Variants in TRMT9B observed in about 807,000 individuals in gnomAD.
TRMT9B encodes tRNA methyltransferase 9B (putative), also known as probable tRNA methyltransferase 9B.
Under a neutral mutation model 11.5 loss-of-function variants are expected in TRMT9B, and 16 were observed. That is an observed-to-expected ratio of 1.39 (90% CI 0.94 to 2.11). The LOEUF (loss-of-function observed/expected upper bound fraction) is 2.11. TRMT9B is among the 30% of genes most tolerant of loss of function. The pLI, the probability that TRMT9B is intolerant of heterozygous loss-of-function variation, is 0.00. For missense variants in TRMT9B, 941 were observed against 553.8 expected, an observed-to-expected ratio of 1.70 and a Z score of -7.02; for synonymous variants, 274 against 192.4, an observed-to-expected ratio of 1.42 and a Z score of -3.51.
intron 2 of TRMT9B, among the ~76,000 whole-genome samples, chr8:13,004,539 G>C (rs546252901): frequency 1.6e-4 from 24 of 152,138 alleles, no homozygotes; most frequent in Admixed American, 1.2e-3. Flanking sequence ...CTACCCCCCA[G>C]ATGATATTTC....
At position 13,021,953 on chromosome 8, in the gene TRMT9B, A is replaced by C. The variant is rs1259165189; in HGVS notation, c.1274A>C (p.Lys425Thr). Residue 425 changes from lysine (K) to threonine (T), a missense_variant, in exon 5 of 5, where the codon AAG (lysine) becomes ACG (threonine). Physicochemically the swap from Lys to Thr is moderately conservative, Grantham distance 78. Transcript: ENST00000524591. ...FREGELCSLL[K>T]ENVSELRILS... Reference sequence around the variant, plus strand: ...GAAGGGGAGCTCTGCAGTCTGCTCAAGGAGAATGTGTCAGAGCTCCGTATC... The same window carrying C: ...GAAGGGGAGCTCTGCAGTCTGCTCACGGAGAATGTGTCAGAGCTCCGTATC... 6.2e-7 allele frequency: 1 copy of C among 1,613,734 alleles called. No homozygotes were observed. The highest frequency in any genetic ancestry group is 8.5e-7 in the Non-Finnish European group (1 of 1,179,830).
At chr8:13,016,122 C>T (rs1390641294) in intron 4 of TRMT9B, among the ~76,000 whole-genome samples, 2 of 138,624 alleles carry the variant, frequency 1.4e-5, no homozygotes, top group East Asian at 2.0e-4. Context: ...TATATATATA[C>T]ATATAACATA....
intron 2 of TRMT9B, among the ~76,000 whole-genome samples, chr8:12,999,490 C>G (rs1368294149): frequency 6.6e-6 from 1 of 151,916 alleles, no homozygotes; most frequent in Non-Finnish European, 1.5e-5. Context: ...TAAATATATG[C>G]AGTTTGTTAT....
intron 1 of TRMT9B, among the ~76,000 whole-genome samples, chr8:12,966,971 GC>G (rs1802904505): frequency 6.6e-6 from 1 of 152,112 alleles, no homozygotes; most frequent in African/African-American, 2.4e-5. Flanking sequence ...GCATTTTAGG[GC>G]TAGGTAGTAC....
chr8:12,994,625 G>A (rs1197516341), intron 2 of TRMT9B, among the ~76,000 whole-genome samples: 1 of 152,180 alleles, frequency 6.6e-6, no homozygotes, highest in Non-Finnish European at 1.5e-5. Flanking sequence ...CCACCTTTGG[G>A]GAACCCTTGA....
intron 4 of TRMT9B, among the ~76,000 whole-genome samples, chr8:13,014,663 C>T (rs886193004): frequency 2.6e-5 from 4 of 152,130 alleles, no homozygotes; most frequent in African/African-American, 9.7e-5. Flanking sequence ...CAGTCTATAA[C>T]CCGGAGAAAA....
At chr8:12,999,334 A>C (rs1808961999) in intron 2 of TRMT9B, among the ~76,000 whole-genome samples, 1 of 150,608 alleles carries the variant, frequency 6.6e-6, no homozygotes, top group Non-Finnish European at 1.5e-5. Flanking sequence ...AAAAAAAAAG[A>C]AAGATTGTTC....
chr8:12,994,119 G>A (rs891983744), intron 2 of TRMT9B, among the ~76,000 whole-genome samples: 28 of 152,174 alleles, frequency 1.8e-4, no homozygotes, highest in Admixed American at 1.3e-4. Context: ...CTTGGAGTCT[G>A]AGAGAGGTGC....
At chr8:12,961,888 C>G (rs1158747107) in intron 1 of TRMT9B, 1 of 152,186 alleles carries the variant, frequency 6.6e-6, no homozygotes, top group East Asian at 1.9e-4. Context: ...TTCACCCAGG[C>G]TTTTAGCAGG....
chr8:13,003,267 G>A (rs976346133), intron 2 of TRMT9B, among the ~76,000 whole-genome samples: 3 of 152,148 alleles, frequency 2.0e-5, no homozygotes, highest in African/African-American at 7.2e-5. Context: ...CTTTCATACT[G>A]ATGGGTAAAA....
intron 1 of TRMT9B, among the ~76,000 whole-genome samples, chr8:12,948,656 T>C (rs1315299890): frequency 1.3e-5 from 2 of 151,532 alleles, no homozygotes. Context: ...TGAAGTTAAG[T>C]GTAACATTAG....
Position 13,013,412 on chromosome 8 carries a change from C to G in TRMT9B, c.328+555C>G, listed in dbSNP as rs115413784. 3.8e-3 allele frequency among the ~76,000 whole-genome samples: 581 copies of G among 152,222 alleles called. 3 individuals carry two copies. Among genetic ancestry groups the G allele is most frequent in the African/African-American group, 0.013 (557 of 41,526 alleles). Reference sequence around the variant, plus strand: ...TTGCTGCCAGAGATCGTTCATGAGTCTAGGGAATGTGTTTCTCATATCCTC... The same window carrying G: ...TTGCTGCCAGAGATCGTTCATGAGTGTAGGGAATGTGTTTCTCATATCCTC... On this transcript the variant is annotated intron_variant, in intron 4 of 4. Transcript: ENST00000524591.
chr8:13,002,352 G>A (rs1013147050), intron 2 of TRMT9B, among the ~76,000 whole-genome samples: 12 of 152,208 alleles, frequency 7.9e-5, no homozygotes, highest in African/African-American at 2.9e-4. Context: ...TGAGAAAGGG[G>A]AAACGTAAAT....
At chr8:13,010,136 T>TC (rs1563421150) in intron 3 of TRMT9B, 11,294 of 412,570 alleles carry the variant, frequency 0.027, 42 homozygotes, top group African/African-American at 0.044. Flanking sequence ...AGACCCTATC[T>TC]GAAAAAAAAA....
chr8:13,018,876 C>T lies in TRMT9B; in HGVS notation c.329-2132C>T, dbSNP rs1046428959. Among the ~76,000 whole-genome samples, 4 of 152,214 alleles carry T rather than the reference C, an allele frequency of 2.6e-5. No individual in the cohort carries two copies. The South Asian group carries it at 8.3e-4, about 32-fold the overall frequency. On this transcript the variant is annotated intron_variant, in intron 4 of 4. Coordinates refer to ENST00000524591, the MANE Select transcript of TRMT9B (RefSeq NM_020844.3). ...AATACCTCAACACTATGTTTGGAGG[C>T]GATTTCAAATAGCAAAATCACCAAC...
intron 1 of TRMT9B, among the ~76,000 whole-genome samples, chr8:12,965,884 G>C (rs866784383): frequency 6.6e-6 from 1 of 151,894 alleles, no homozygotes; most frequent in Admixed American, 6.6e-5. Flanking sequence ...GTGGTGGCGG[G>C]CACCTGTAGT....
rs1809440315 is a variant in TRMT9B at position 13,001,458 on chromosome 8, TA to T, written c.-1-4743del. ...TACCGTCTCATACTTTTAGTCTTTT[TA>T]TAAACCATCTTAGAAGTTATGATTT... is the stretch of plus-strand genomic sequence containing the variant. On this transcript the variant is annotated intron_variant, in intron 2 of 4. Transcript: ENST00000524591. Among the ~76,000 whole-genome samples, 3 of 152,348 alleles carry T rather than the reference TA, an allele frequency of 2.0e-5. No homozygotes were observed. The South Asian group carries it at 6.2e-4, about 32-fold the overall frequency.
intron 4 of TRMT9B, among the ~76,000 whole-genome samples, chr8:13,017,771 G>A (rs1256709131): frequency 6.6e-6 from 1 of 151,386 alleles, no homozygotes; most frequent in Admixed American, 6.6e-5. Flanking sequence ...ACACCACCAC[G>A]CCCAGCTAAT....
rs911563453 is a variant in TRMT9B at position 13,024,807 on chromosome 8, A to G, written c.*2763A>G. On this transcript the variant is annotated 3_prime_UTR_variant, in exon 5 of 5. Transcript: ENST00000524591. Reference sequence around the variant, plus strand: ...TGAACATAAGAATCTATGCATCCAGATATTATTTTGTATACAAATATTTAA... The same window carrying G: ...TGAACATAAGAATCTATGCATCCAGGTATTATTTTGTATACAAATATTTAA... The G allele has an allele frequency of 3.0e-5, 5 of 166,934 alleles. No individual in the cohort carries two copies. The highest frequency in any genetic ancestry group is 2.1e-4 in the South Asian group (1 of 4,820). The allele number at this position is 166,934 out of a possible 1,614,324, so 10.3% of individuals were successfully genotyped here.
Sources: allele counts gnomAD v4.1 joint callset (sites outside exome capture counted in the v4.1 genomes callset), GRCh38; gene constraint gnomAD v4.1.1; transcripts MANE v1.5; gene names NCBI Gene and HGNC (gene_info 2026-07-23, HGNC 2026-07-21).